RNF17: variants seen among roughly 807,000 people sequenced by gnomAD.
RNF17 encodes the protein ring finger protein 17.
A neutral mutation model predicts 200.5 loss-of-function variants in RNF17; 31 were observed. That is an observed-to-expected ratio of 0.15 (90% CI 0.12 to 0.21). The LOEUF (loss-of-function observed/expected upper bound fraction) is 0.21, where lower values mean the gene tolerates loss of function less well. Among genes scored for constraint, RNF17 ranks in the 10% least tolerant of loss-of-function variants. The pLI is 1.00. For missense variants in RNF17, 1,628 were observed against 1,905.1 expected, an observed-to-expected ratio of 0.85 and a Z score of 2.71; for synonymous variants, 606 against 637.8, an observed-to-expected ratio of 0.95 and a Z score of 0.75.
chr13:24,876,521 C>T (rs1404830441), intron 33 of RNF17, among the ~76,000 whole-genome samples: 5 of 152,224 alleles, frequency 3.3e-5, no homozygotes, highest in African/African-American at 9.6e-5. Context: ...ATAGTGGCTG[C>T]GCCATTTTAC....
At chr13:24,866,288 T>A (rs1296013309) in intron 30 of RNF17, 85 bp downstream of exon 30, 2 of 722,550 alleles carry the variant, frequency 2.8e-6, no homozygotes, top group Non-Finnish European at 4.8e-6. Flanking sequence ...CTCTCTTTTA[T>A]AACAGTTTTA....
intron 6 of RNF17, among the ~76,000 whole-genome samples, chr13:24,783,375 T>G (rs902006539): frequency 6.6e-6 from 1 of 152,310 alleles, no homozygotes; most frequent in East Asian, 1.9e-4. Context: ...CAGGGTCTCT[T>G]AAGATTTCAT....
chr13:24,823,809 A>T (rs1209995991), intron 15 of RNF17, among the ~76,000 whole-genome samples: 1 of 152,114 alleles, frequency 6.6e-6, no homozygotes, highest in African/African-American at 2.4e-5. Flanking sequence ...GGTCTATTGT[A>T]TGTTTCTACT....
the RNF17 span, among the ~76,000 whole-genome samples, chr13:24,755,647 T>C: frequency 3.9e-5 from 6 of 152,264 alleles, no homozygotes; most frequent in African/African-American, 1.4e-4. Flanking sequence ...TGCAAAGGAT[T>C]AGGTTTGGTT....
At chr13:24,840,759 G>A (rs1420811291) in intron 18 of RNF17, among the ~76,000 whole-genome samples, 2 of 152,022 alleles carry the variant, frequency 1.3e-5, no homozygotes, top group Admixed American at 6.6e-5. Flanking sequence ...GGGGGCGAAG[G>A]ATAAAAGACT....
chr13:24,865,132 A>G (rs930672784), intron 29 of RNF17, 134 bp downstream of exon 29: 2 of 612,114 alleles, frequency 3.3e-6, no homozygotes, highest in African/African-American at 2.0e-5. Context: ...GGACTTACAC[A>G]TTTTTGCTGA....
rs1443415060 is a variant in RNF17 at position 24,789,813 on chromosome 13, A to T, written c.935+41A>T. 2.8e-6 allele frequency: 3 copies of T among 1,062,180 alleles called. No individual in the cohort carries two copies. In the South Asian group the frequency reaches 3.9e-5, roughly 14 times the overall value. The allele number at this position is 1,062,180 out of a possible 1,614,324, so 65.8% of individuals were successfully genotyped here. A position where few individuals can be genotyped will look rare whatever the true frequency, so the allele number is the denominator to read the frequency against. On this transcript the variant is annotated intron_variant, in intron 9 of 35. Coordinates refer to ENST00000255324, the MANE Select transcript of RNF17 (RefSeq NM_031277.3). ...CATGGTAACATGCCATTAGTGTCTG[A>T]CAGTACTTACATTATCTAAGAGACA... is the stretch of plus-strand genomic sequence containing the variant.
At chr13:24,817,730 A>T (rs536595867) in intron 15 of RNF17, among the ~76,000 whole-genome samples, 207 of 149,354 alleles carry the variant, frequency 1.4e-3, no homozygotes, top group African/African-American at 4.0e-3. Flanking sequence ...AAAAAAAAAA[A>T]TTTTTTTTTT....
chr13:24,833,390 A>G (rs1889639018), intron 18 of RNF17, among the ~76,000 whole-genome samples: 1 of 152,262 alleles, frequency 6.6e-6, no homozygotes, highest in Non-Finnish European at 1.5e-5. Flanking sequence ...CTGTATCCTT[A>G]GGCTATAGAA....
At chr13:24,874,537 G>A (rs1405027159) in intron 33 of RNF17, among the ~76,000 whole-genome samples, 2 of 151,372 alleles carry the variant, frequency 1.3e-5, no homozygotes, top group Non-Finnish European at 2.9e-5. Context: ...AGCCTCCCTA[G>A]TAGTTGGAAT....
intron 2 of RNF17, among the ~76,000 whole-genome samples, chr13:24,773,507 C>T (rs573638919): frequency 5.9e-5 from 9 of 152,186 alleles, no homozygotes; most frequent in East Asian, 3.9e-4. Context: ...ATTGGCCACA[C>T]GTGGACATAA....
chr13:24,802,309 C>G, intron 13 of RNF17, 72 bp from the exon 14 acceptor site: 1 of 1,388,258 alleles, frequency 7.2e-7, no homozygotes, highest in Non-Finnish European at 9.9e-7. Context: ...TTGGTACAAA[C>G]CTAAATCCAG....
chr13:24,840,539 G>GTT (rs1890511451), intron 18 of RNF17, among the ~76,000 whole-genome samples: 1 of 152,070 alleles, frequency 6.6e-6, no homozygotes, highest in East Asian at 1.9e-4. Context: ...ATGTGTGTGT[G>GTT]TGTGAATATG....
the RNF17 span, among the ~76,000 whole-genome samples, chr13:24,756,917 C>T: frequency 6.6e-6 from 1 of 152,080 alleles, no homozygotes; most frequent in Non-Finnish European, 1.5e-5. Flanking sequence ...GAAACAAGGA[C>T]TTGGAAGACA....
chr13:24,809,631 T>C (rs1248132666), intron 15 of RNF17, among the ~76,000 whole-genome samples: 3 of 152,114 alleles, frequency 2.0e-5, no homozygotes, highest in Admixed American at 6.5e-5. Context: ...TTTTTGTGTC[T>C]CTATTTCCTT....
chr13:24,867,777 A>T (rs9551159), intron 30 of RNF17, among the ~76,000 whole-genome samples: 26,725 of 152,240 alleles, frequency 0.18, 2,515 homozygotes, highest in South Asian at 0.32. Flanking sequence ...CCTGGGAATC[A>T]TGTAACTGTA....
chr13:24,788,310 G>C (rs557531755), intron 7 of RNF17, 151 bp downstream of exon 7: 12 of 492,082 alleles, frequency 2.4e-5, no homozygotes, highest in African/African-American at 2.2e-4. Flanking sequence ...GGTTAGGATA[G>C]TCTAAGTTAT....
the RNF17 span, among the ~76,000 whole-genome samples, chr13:24,755,328 G>T: frequency 6.6e-6 from 1 of 152,062 alleles, no homozygotes; most frequent in African/African-American, 2.4e-5. Flanking sequence ...CTCTCCAAAA[G>T]GATTACACCA....
Position 24,781,827 on chromosome 13 carries a change from G to GTTT in RNF17, c.511-7_511-5dup. The GTTT allele has an allele frequency of 9.7e-7, 1 of 1,036,268 alleles. No homozygotes were observed. The highest frequency in any genetic ancestry group is 1.6e-5 in the African/African-American group (1 of 63,430). 64.2% of individuals were successfully genotyped at this position (1,036,268 alleles called of 1,614,324 possible). A position where few individuals can be genotyped will look rare whatever the true frequency, so the allele number is the denominator to read the frequency against. On this transcript the variant is annotated splice_polypyrimidine_tract_variant and intron_variant, in intron 5 of 35. Transcript: ENST00000255324. ...AATTCCCAAATTAAGTTTTTGTCTT[G>GTTT]TTTTTTTTTTTTCCAGGCACTTGAA...
Sources: allele counts gnomAD v4.1 joint callset (sites outside exome capture counted in the v4.1 genomes callset), GRCh38; gene constraint gnomAD v4.1.1; transcripts MANE v1.5; gene names NCBI Gene and HGNC (gene_info 2026-07-23, HGNC 2026-07-21).